The following CFAP95 variants were observed in gnomAD, a reference collection of about 807,000 sequenced individuals.
CFAP95 encodes the protein cilia and flagella associated protein 95.
chr9:69,833,587 G>GT, the CFAP95 span, among the ~76,000 whole-genome samples: 1 of 152,086 alleles, frequency 6.6e-6, no homozygotes, highest in African/African-American at 2.4e-5. Context: ...ATGTAACTTG[G>GT]TTTGCACTCC....
At chr9:69,881,475 G>C in the CFAP95 span, among the ~76,000 whole-genome samples, 1 of 152,124 alleles carries the variant, frequency 6.6e-6, no homozygotes, top group Admixed American at 6.5e-5. Flanking sequence ...ATTCACTGTA[G>C]GTGTGTGGAT....
At chr9:69,892,192 G>T in the CFAP95 span, among the ~76,000 whole-genome samples, 1 of 152,064 alleles carries the variant, frequency 6.6e-6, no homozygotes, top group East Asian at 1.9e-4. Context: ...CATTTTTAAA[G>T]ATTCTGATTT....
At chr9:69,844,441 A>G in the CFAP95 span, 1 of 863,008 alleles carries the variant, frequency 1.2e-6, no homozygotes, top group Non-Finnish European at 1.7e-6. Context: ...TTTTCATTGG[A>G]TAATTTTTAA....
At chr9:69,879,471 A>T in the CFAP95 span, among the ~76,000 whole-genome samples, 1 of 152,104 alleles carries the variant, frequency 6.6e-6, no homozygotes, top group African/African-American at 2.4e-5. Context: ...ATGCATATTC[A>T]GGAGGTTCGG....
the CFAP95 span, chr9:69,886,714 A>C: frequency 1.5e-6 from 1 of 680,320 alleles, no homozygotes; most frequent in African/African-American, 1.8e-5. Context: ...GTGGGGTTTT[A>C]AATTTTGATT....
chr9:69,885,682 G>A, the CFAP95 span, among the ~76,000 whole-genome samples: 1 of 152,316 alleles, frequency 6.6e-6, no homozygotes, highest in South Asian at 2.1e-4. Flanking sequence ...TAATGGGGTG[G>A]AGGTTGGGAA....
chr9:69,862,398 G>A, the CFAP95 span, among the ~76,000 whole-genome samples: 4 of 151,998 alleles, frequency 2.6e-5, no homozygotes, highest in Admixed American at 6.6e-5. Context: ...ACCTTCAACC[G>A]GCCCCTACTA....
At chr9:69,881,888 T>C in the CFAP95 span, among the ~76,000 whole-genome samples, 1 of 152,200 alleles carries the variant, frequency 6.6e-6, no homozygotes, top group Non-Finnish European at 1.5e-5. Flanking sequence ...ACTTCTTTGG[T>C]TAATTCCTAG....
the CFAP95 span, among the ~76,000 whole-genome samples, chr9:69,851,401 C>T: frequency 3.3e-5 from 5 of 152,124 alleles, no homozygotes; most frequent in Non-Finnish European, 5.9e-5. Flanking sequence ...TAAAATATTT[C>T]ATCAAAATGA....
the CFAP95 span, among the ~76,000 whole-genome samples, chr9:69,864,319 A>C: frequency 6.6e-5 from 10 of 151,800 alleles, no homozygotes; most frequent in African/African-American, 2.4e-4. Flanking sequence ...GTGTATGTGC[A>C]TGTGTGTATA....
the CFAP95 span, among the ~76,000 whole-genome samples, chr9:69,831,433 C>CTT: frequency 4.0e-5 from 6 of 151,188 alleles, no homozygotes; most frequent in Non-Finnish European, 7.4e-5. Flanking sequence ...ATGAAGAACT[C>CTT]TTTTTTTTTA....
chr9:69,898,721 A>AT, the CFAP95 span, among the ~76,000 whole-genome samples: 5 of 152,116 alleles, frequency 3.3e-5, 1 homozygote, highest in Non-Finnish European at 7.4e-5. Context: ...CTTTATAGCT[A>AT]TTTTTTCCCT....
the CFAP95 span, among the ~76,000 whole-genome samples, chr9:69,876,791 C>T: frequency 2.6e-5 from 4 of 151,962 alleles, no homozygotes; most frequent in Admixed American, 6.5e-5. Flanking sequence ...CCCGCCAGCA[C>T]GCCTGGCTAA....
chr9:69,898,936 C>A, the CFAP95 span, among the ~76,000 whole-genome samples: 2 of 152,020 alleles, frequency 1.3e-5, no homozygotes. Flanking sequence ...ACTCTCCTGG[C>A]CTTCCAGGCT....
chr9:69,901,045 T>C, the CFAP95 span, among the ~76,000 whole-genome samples: 1 of 152,026 alleles, frequency 6.6e-6, no homozygotes, highest in African/African-American at 2.4e-5. Context: ...GCCCCTGGTG[T>C]GTGATGTTCC....
At chr9:69,841,164 TTATATATATATATA>T in the CFAP95 span, among the ~76,000 whole-genome samples, 30 of 56,074 alleles carry the variant, frequency 5.4e-4, 2 homozygotes, top group East Asian at 2.8e-3. Context: ...CCAAGCTGGA[TTATATATATATATA>T]TATATATATA....
chr9:69,878,130 A>G, the CFAP95 span, among the ~76,000 whole-genome samples: 3 of 152,180 alleles, frequency 2.0e-5, no homozygotes, highest in Non-Finnish European at 4.4e-5. Context: ...GTGGTGAAAC[A>G]TAGGAGGGAG....
the CFAP95 span, among the ~76,000 whole-genome samples, chr9:69,863,486 C>T: frequency 1.3e-5 from 2 of 152,096 alleles, no homozygotes; most frequent in Non-Finnish European, 2.9e-5. Flanking sequence ...TCTCAAGTAA[C>T]TTTTACTTAA....
At chr9:69,845,614 A>G in the CFAP95 span, among the ~76,000 whole-genome samples, 1 of 152,110 alleles carries the variant, frequency 6.6e-6, no homozygotes, top group African/African-American at 2.4e-5. Context: ...CTTTCCTCTT[A>G]TAGTTGCAGT....
Sources: gnomAD v4.1 joint callset for allele counts (sites outside exome capture counted in the v4.1 genomes callset) on GRCh38, gnomAD v4.1.1 for gene constraint, MANE v1.5 for transcripts, NCBI Gene and HGNC (gene_info 2026-07-23, HGNC 2026-07-21) for gene names.